The following MUC5AC variants were observed in gnomAD, a reference collection of about 807,000 sequenced individuals.
MUC5AC encodes the protein mucin 5AC, oligomeric mucus/gel-forming.
In MUC5AC, 158 loss-of-function variants were observed where a neutral mutation model predicts 169.7. The ratio of observed to expected loss-of-function variants is 0.93; its 90% CI spans 0.82 to 1.06. MUC5AC has a LOEUF of 1.06. MUC5AC is among the 50% of genes least tolerant of loss of function. MUC5AC has a pLI of 0.00. For missense variants in MUC5AC, 4,359 were observed against 3,089.9 expected (o/e 1.41, Z -9.74); for synonymous variants, 1,975 against 1,237.0 (o/e 1.60, Z -12.52).
At chr11:1,169,422 CCACTCACCTCACTCACTCACCCACT>C (rs1860433981) in intron 15 of MUC5AC, among the ~76,000 whole-genome samples, 7 of 73,948 alleles carry the variant, frequency 9.5e-5, no homozygotes, top group African/African-American at 4.2e-4. Flanking sequence ...ACCCATTCGC[CCACTCACCTCACTCACTCACCCACT>C]CACTCACTCA....
intron 14 of MUC5AC, 34 bp downstream of exon 14, chr11:1,168,813 C>T (rs377055916): frequency 8.2e-5 from 129 of 1,580,134 alleles, no homozygotes; most frequent in Non-Finnish European, 1.1e-4. Flanking sequence ...TGGAGCCCAC[C>T]CACTCTGGCC....
chr11:1,168,393 T>C (rs55939190), intron 12 of MUC5AC, 90 bp from the exon 13 acceptor site: 1,321,442 of 1,324,198 alleles, frequency 1, 659,384 homozygotes, highest in East Asian at 1. Context: ...AAAGGCCTCC[T>C]AGGCACCTGC....
intron 16 of MUC5AC, 59 bp from the exon 17 acceptor site, chr11:1,174,437 G>A (rs1254386294): frequency 9.3e-7 from 1 of 1,079,898 alleles, no homozygotes; most frequent in Non-Finnish European, 1.3e-6. Flanking sequence ...TGCAGGGCGT[G>A]GGGGGCCACC....
rs1860752325 is a variant in MUC5AC, at chr11:1,179,130, C to T, written c.3366C>T (p.Asp1122=). ...PARYYEACVN[D]ACACDSGGDC... Reference sequence around the variant, plus strand: ...GGTACTACGAGGCCTGCGTGAACGACGCGTGCGCCTGCGACTCCGGGGGTG... The same window carrying T: ...GGTACTACGAGGCCTGCGTGAACGATGCGTGCGCCTGCGACTCCGGGGGTG... Residue 1122 remains aspartate, a synonymous_variant, in exon 26 of 49, where the codon GAC becomes GAT. Coordinates refer to ENST00000621226, the MANE Select transcript of MUC5AC (RefSeq NM_001304359.2). 39 of 654,184 alleles carry T rather than the reference C, an allele frequency of 6.0e-5. No homozygotes were observed. The East Asian group carries it at 6.8e-4, about 11-fold the overall frequency. 40.5% of individuals were successfully genotyped at this position (654,184 alleles called of 1,614,324 possible). A position where few individuals can be genotyped will look rare whatever the true frequency, so the allele number is the denominator to read the frequency against.
chr11:1,169,425 C>T (rs1860434077), intron 15 of MUC5AC, among the ~76,000 whole-genome samples: 2 of 119,278 alleles, frequency 1.7e-5, no homozygotes, highest in African/African-American at 3.7e-5. Flanking sequence ...CATTCGCCCA[C>T]TCACCTCACT....
At chr11:1,171,859 T>TCACC (rs1860555154) in intron 15 of MUC5AC, among the ~76,000 whole-genome samples, 1 of 123,420 alleles carries the variant, frequency 8.1e-6, no homozygotes, top group African/African-American at 3.3e-5. Context: ...ACTCACCCAT[T>TCACC]CACTCACTCA....
chr11:1,181,232 G>C (rs1250685147), intron 29 of MUC5AC, 39 bp from the exon 30 acceptor site: 4 of 398,460 alleles, frequency 1.0e-5, no homozygotes, highest in East Asian at 7.1e-5. Flanking sequence ...CTCTGTCTGC[G>C]CCCAGCCTCT....
chr11:1,188,084 C>T lies in MUC5AC; in HGVS notation c.9939C>T (p.Tyr3313=), dbSNP rs1554928458. The T allele has an allele frequency of 3.6e-5, 27 of 741,968 alleles. No homozygotes were observed. The highest frequency in any genetic ancestry group is 2.3e-4 in the Middle Eastern group (1 of 4,358). The allele number at this position is 741,968 out of a possible 1,614,324, so 46.0% of individuals were successfully genotyped here. A position where few individuals can be genotyped will look rare whatever the true frequency, so the allele number is the denominator to read the frequency against. Residue 3313 remains tyrosine, a synonymous_variant, in exon 31 of 49, where the codon TAC becomes TAT. Transcript: ENST00000621226. ...GACCCTTCAAGATGTGCCTCAACTA[C>T]GAGGTGCGTGTGCTCTGCTGCGAGA... ...QQGPFKMCLN[Y]EVRVLCCETP...
At chr11:1,178,826 C>T (rs1044718695) in intron 25 of MUC5AC, 143 bp downstream of exon 25, 32 of 446,954 alleles carry the variant, frequency 7.2e-5, no homozygotes, top group African/African-American at 3.2e-4. Flanking sequence ...GGTATGGACT[C>T]GCCTAGAGGG....
At chr11:1,173,363 C>T (rs987954167) in intron 16 of MUC5AC, among the ~76,000 whole-genome samples, 6 of 146,032 alleles carry the variant, frequency 4.1e-5, no homozygotes, top group African/African-American at 1.5e-4. Context: ...TCACTCATTC[C>T]TTCATTCATT....
In MUC5AC at chr11:1,186,396, GC is replaced by G. The variant is rs1334755662; in HGVS notation, c.8255del (p.Pro2752LeufsTer50). 4 of 706,388 alleles carry G rather than the reference GC, an allele frequency of 5.7e-6. No individual in the cohort carries two copies. Among genetic ancestry groups the G allele is most frequent in the African/African-American group, 1.8e-5 (1 of 56,982 alleles). 43.8% of individuals were successfully genotyped at this position (706,388 alleles called of 1,614,324 possible). On this transcript the variant is annotated frameshift_variant, in exon 31 of 49. Transcript: ENST00000621226. LOFTEE classifies it high-confidence loss of function. ...TSAPTPRRTS[A>X]PTTSTISAST... is the part of the protein sequence containing the mutation. ...TGCTCCTACACCCAGAAGAACCTCA[GC>G]CCCTACAACCAGCACAATCTCTGCC...
chr11:1,186,929 T>G lies in MUC5AC; in HGVS notation c.8784T>G (p.Thr2928=), dbSNP rs1440850610. 4.2e-5 allele frequency: 30 copies of G among 722,354 alleles called. No homozygotes were observed. The highest frequency in any genetic ancestry group is 2.3e-4 in the Middle Eastern group (1 of 4,376). 44.7% of individuals were successfully genotyped at this position (722,354 alleles called of 1,614,324 possible). A position where few individuals can be genotyped will look rare whatever the true frequency, so the allele number is the denominator to read the frequency against. Residue 2928 remains threonine (T), a synonymous_variant, in exon 31 of 49, where the codon ACT becomes ACG. Coordinates refer to ENST00000621226, the MANE Select transcript of MUC5AC (RefSeq NM_001304359.2). The stretch of plus-strand genomic sequence containing the variant: ...CTACAAGCAGCACAACCTCAGCTAC[T>G]ACAACCAGCACAATCTCTGTTCCTA... ...SAPTSSTTSA[T]TTSTISVPTT...
At position 1,178,576 on chromosome 11, in the gene MUC5AC, G is replaced by A; in HGVS notation, c.3220G>A (p.Ala1074Thr). ...SWKLSPSCPD[A>T]LAPKDPCTAN... ...GAAGCTCTCCCCCTCCTGCCCAGAT[G>A]CCCTGGCGCCCAAGGACCCCTGCAC... Residue 1074 changes from alanine (A) to threonine (T), a missense_variant, in exon 25 of 49, where the codon GCC (alanine) becomes ACC (threonine). Physicochemically the swap from Ala to Thr is moderately conservative, Grantham distance 58. Coordinates refer to ENST00000621226, the MANE Select transcript of MUC5AC (RefSeq NM_001304359.2). 5.0e-6 allele frequency: 7 copies of A among 1,406,086 alleles called. No individual in the cohort carries two copies. The highest frequency in any genetic ancestry group is 3.8e-6 in the Non-Finnish European group (4 of 1,064,844). 87.1% of individuals were successfully genotyped at this position (1,406,086 alleles called of 1,614,324 possible).
Position 1,185,867 on chromosome 11 carries a change from T to A in MUC5AC, c.7722T>A (p.Pro2574=). ...CTGGTCCTGGAACTACTCCCAGCCCTGTTCCTACCACGAGCACAACCTCTG... is the reference window on the plus strand; with the variant it reads ...CTGGTCCTGGAACTACTCCCAGCCCAGTTCCTACCACGAGCACAACCTCTG... ...TTSGPGTTPS[P]VPTTSTTSAP... The change falls in exon 31 of 49, where the codon CCT becomes CCA. Residue 2574 remains proline, a synonymous_variant. Coordinates refer to ENST00000621226, the MANE Select transcript of MUC5AC (RefSeq NM_001304359.2). 1 of 748,324 alleles carries A rather than the reference T, an allele frequency of 1.3e-6. No homozygotes were observed. The highest frequency in any genetic ancestry group is 1.4e-5 in the South Asian group (1 of 72,044). 46.4% of individuals were successfully genotyped at this position (748,324 alleles called of 1,614,324 possible). A position where few individuals can be genotyped will look rare whatever the true frequency, so the allele number is the denominator to read the frequency against.
At position 1,182,198 on chromosome 11, in the gene MUC5AC, G is replaced by A. The variant is rs995500658; in HGVS notation, c.4053G>A (p.Ala1351=). The change falls in exon 31 of 49, where the codon GCG becomes GCA. Residue 1351 remains alanine, a synonymous_variant. Coordinates refer to ENST00000621226, the MANE Select transcript of MUC5AC (RefSeq NM_001304359.2). Reference sequence around the variant, plus strand: ...CCCCCAGCAATGGCCCAAGCAGCGCGCACACAGGCCCTCCGAGCAGCGCCT... The same window carrying A: ...CCCCCAGCAATGGCCCAAGCAGCGCACACACAGGCCCTCCGAGCAGCGCCT... ...THTPSNGPSS[A]HTGPPSSAWP... is the part of the protein sequence containing the mutation. 1.2e-4 allele frequency: 47 copies of A among 398,600 alleles called. No homozygotes were observed. The Admixed American group carries it at 1.4e-3, about 12-fold the overall frequency. The allele number at this position is 398,600 out of a possible 1,614,324, so 24.7% of individuals were successfully genotyped here.
At chr11:1,160,818 G>C (rs1380651733) in intron 2 of MUC5AC, 129 bp downstream of exon 2, 2 of 890,756 alleles carry the variant, frequency 2.2e-6, no homozygotes, top group East Asian at 5.3e-5. Flanking sequence ...CAAACCTGGG[G>C]GGACAGGAGG....
intron 37 of MUC5AC, 89 bp downstream of exon 37, chr11:1,196,143 CAG>C (rs1024893019): frequency 6.2e-6 from 4 of 641,038 alleles, no homozygotes; most frequent in South Asian, 3.5e-5. Context: ...CTCGGGCAGT[CAG>C]GGGGGGACCT....
In MUC5AC at chr11:1,186,598, C is replaced by A; in HGVS notation, c.8453C>A (p.Thr2818Asn). ...AGCAGCACAACTTCCACACCACAGA[C>A]CAGCACAACTTCGGCTCCTACAACC... The part of the protein sequence containing the change: ...PISSTTSTPQ[T>N]STTSAPTTST... Residue 2818 changes from threonine (T) to asparagine (N), a missense_variant, in exon 31 of 49, where the codon ACC becomes AAC. Coordinates refer to ENST00000621226, the MANE Select transcript of MUC5AC (RefSeq NM_001304359.2). The A allele has an allele frequency of 4.2e-6, 3 of 712,204 alleles. No homozygotes were observed. The highest frequency in any genetic ancestry group is 7.7e-6 in the Non-Finnish European group (3 of 390,450). The allele number at this position is 712,204 out of a possible 1,614,324, so 44.1% of individuals were successfully genotyped here.
Position 1,165,396 on chromosome 11 carries a change from C to G in MUC5AC, c.1224C>G (p.Thr408=). ...YNGAAYAPGA[T]YSTDCTNCTC... ...GGGCTGCCTATGCCCCAGGGGCCAC[C>G]TACTCCACAGACTGCACCAACTGGT... The change falls in exon 10 of 49, where the codon ACC becomes ACG. Residue 408 remains threonine (T), a synonymous_variant. Transcript: ENST00000621226. 1.2e-6 allele frequency: 2 copies of G among 1,612,386 alleles called. No individual in the cohort carries two copies. The highest frequency in any genetic ancestry group is 2.2e-5 in the South Asian group (2 of 91,070).
Sources: allele counts gnomAD v4.1 joint callset (sites outside exome capture counted in the v4.1 genomes callset), GRCh38; gene constraint gnomAD v4.1.1; transcripts MANE v1.5; gene names NCBI Gene and HGNC (gene_info 2026-07-23, HGNC 2026-07-21).